Variants in DDX60 observed in about 807,000 individuals in gnomAD.
DDX60 encodes DExD/H-box helicase 60.
A neutral mutation model predicts 212.8 loss-of-function variants in DDX60; 165 were observed. That is an observed-to-expected ratio of 0.78 (90% CI 0.68 to 0.88). DDX60 has a LOEUF of 0.88. DDX60 is among the 40% of genes least tolerant of loss of function. The probability of loss-of-function intolerance (pLI) is 0.00; values close to 1 mark genes in which losing one functional copy is unlikely to be tolerated. For missense variants in DDX60, 1,905 were observed against 2,003.9 expected (o/e 0.95, Z 0.94); for synonymous variants, 703 against 685.3 (o/e 1.03, Z -0.40).
At chr4:168,238,858 G>A (rs934119235) in intron 30 of DDX60, among the ~76,000 whole-genome samples, 5 of 152,172 alleles carry the variant, frequency 3.3e-5, no homozygotes, top group East Asian at 3.9e-4. Flanking sequence ...AGTAGAACGC[G>A]ACCTTTCAGT....
At chr4:168,306,986 C>A (rs929043472) in intron 4 of DDX60, among the ~76,000 whole-genome samples, 6 of 152,168 alleles carry the variant, frequency 3.9e-5, no homozygotes, top group African/African-American at 1.4e-4. Flanking sequence ...TTTTCTAATT[C>A]TTTTCCTCTC....
intron 16 of DDX60, among the ~76,000 whole-genome samples, chr4:168,275,028 T>C (rs977854832): frequency 6.6e-6 from 1 of 152,174 alleles, no homozygotes; most frequent in Non-Finnish European, 1.5e-5. Context: ...TTTATATATT[T>C]ACATATGAAA....
At chr4:168,224,762 A>G (rs576907545) in intron 34 of DDX60, among the ~76,000 whole-genome samples, 19 of 152,142 alleles carry the variant, frequency 1.2e-4, no homozygotes, top group South Asian at 6.2e-4. Context: ...TGCAGCCTCA[A>G]TTAGTAAGTT....
Position 168,267,897 on chromosome 4 carries a change from T to C in DDX60, c.2873A>G (p.Gln958Arg). 1 of 1,613,658 alleles carries C rather than the reference T, an allele frequency of 6.2e-7. No homozygotes were observed. The highest frequency in any genetic ancestry group is 8.5e-7 in the Non-Finnish European group (1 of 1,179,712). Residue 958 changes from glutamine (Q) to arginine (R), a missense_variant, in exon 21 of 38, where the codon CAG (glutamine) becomes CGG (arginine). Physicochemically the swap from Gln to Arg is conservative, Grantham distance 43. Transcript: ENST00000393743. Reference sequence around the variant, plus strand: ...CAAGTAGTCTTTGGGAAAGCCGGCCTGACGACCCACATGTCTTTTAGAAGC... The same window carrying C: ...CAAGTAGTCTTTGGGAAAGCCGGCCCGACGACCCACATGTCTTTTAGAAGC... Reference protein sequence around the residue: ...NTASKRHVGRQAGFPKDYLQV... With the variant: ...NTASKRHVGRRAGFPKDYLQV...
Position 168,260,909 on chromosome 4 carries a change from A to C in DDX60, c.3354T>G (p.Val1118=). 1 of 1,609,406 alleles carries C rather than the reference A, an allele frequency of 6.2e-7. No individual in the cohort carries two copies. Among genetic ancestry groups the C allele is most frequent in the Non-Finnish European group, 8.5e-7 (1 of 1,176,904 alleles). The stretch of plus-strand genomic sequence containing the variant: ...ACTTCTCCATTTTCCTTAGTTTTTC[A>C]ACTAGAAGTGGAAACATGGTGATCA... ...ENMITMFPLL[V]EKLRKMEKLP... is the part of the protein sequence containing the mutation. Residue 1118 remains valine, a synonymous_variant, in exon 25 of 38, where the codon GTT becomes GTG. Coordinates refer to ENST00000393743, the MANE Select transcript of DDX60 (RefSeq NM_017631.6).
chr4:168,297,273 G>GAGAGAGAGAC (rs1736391543), intron 6 of DDX60, among the ~76,000 whole-genome samples: 3 of 124,758 alleles, frequency 2.4e-5, no homozygotes, highest in African/African-American at 1.1e-4. Context: ...GAAAGAAAAA[G>GAGAGAGAGAC]AAAGAAAGAA....
intron 18 of DDX60, among the ~76,000 whole-genome samples, chr4:168,272,537 G>T (rs1160648189): frequency 1.3e-5 from 2 of 152,240 alleles, no homozygotes; most frequent in African/African-American, 4.8e-5. Flanking sequence ...AGAGGGGGAA[G>T]CCTAACTGCA....
At chr4:168,230,270 T>C (rs1471537711) in intron 33 of DDX60, among the ~76,000 whole-genome samples, 2 of 152,020 alleles carry the variant, frequency 1.3e-5, no homozygotes, top group Admixed American at 1.3e-4. Flanking sequence ...ACAATAATAG[T>C]GGGGGACTTC....
intron 6 of DDX60, among the ~76,000 whole-genome samples, chr4:168,296,101 C>A (rs1005617030): frequency 6.6e-6 from 1 of 151,866 alleles, no homozygotes; most frequent in African/African-American, 2.4e-5. Context: ...TGACTACAAC[C>A]AATAATAATG....
intron 33 of DDX60, among the ~76,000 whole-genome samples, chr4:168,229,084 C>G (rs965070489): frequency 6.6e-6 from 1 of 152,038 alleles, no homozygotes; most frequent in Non-Finnish European, 1.5e-5. Context: ...ACACCATGAA[C>G]TTTTGCTCCA....
chr4:168,253,160 G>T (rs1734283426), intron 26 of DDX60, among the ~76,000 whole-genome samples: 1 of 152,134 alleles, frequency 6.6e-6, no homozygotes, highest in African/African-American at 2.4e-5. Context: ...TCAGCCTCTG[G>T]ATGTTATGAT....
At chr4:168,239,375 A>AAGAT (rs60160375) in intron 30 of DDX60, among the ~76,000 whole-genome samples, 38,855 of 148,656 alleles carry the variant, frequency 0.26, 5,056 homozygotes, top group African/African-American at 0.29. Context: ...TGATAGAAGG[A>AAGAT]AGATAGATAG....
At chr4:168,281,202 C>T (rs187285795) in intron 13 of DDX60, among the ~76,000 whole-genome samples, 51 of 152,120 alleles carry the variant, frequency 3.4e-4, no homozygotes, top group African/African-American at 1.1e-3. Context: ...GACTGCCTCT[C>T]TTTTCATTTC....
At chr4:168,237,167 T>A (rs1251267903) in intron 32 of DDX60, 119 bp downstream of exon 32, 3 of 648,320 alleles carry the variant, frequency 4.6e-6, no homozygotes, top group Admixed American at 8.5e-5. Flanking sequence ...ATCTATAAAT[T>A]ATCTACATAT....
rs1277723571 is a variant in DDX60 at position 168,284,833 on chromosome 4, C to T, written c.1548G>A (p.Arg516=). ...KPLSDDYDRS[R]CQFDEKSRDP... Reference sequence around the variant, plus strand: ...CACAGAGCTTACCATCAAACTGACACCTGGACCTGTCATAATCATCACTCA... The same window carrying T: ...CACAGAGCTTACCATCAAACTGACATCTGGACCTGTCATAATCATCACTCA... Residue 516 remains arginine, a synonymous_variant, in exon 12 of 38, where the codon AGG becomes AGA. Transcript: ENST00000393743. 1 of 1,542,680 alleles carries T rather than the reference C, an allele frequency of 6.5e-7. No homozygotes were observed. Among genetic ancestry groups the T allele is most frequent in the South Asian group, 1.3e-5 (1 of 79,352 alleles).
intron 33 of DDX60, among the ~76,000 whole-genome samples, chr4:168,230,150 T>C (rs2149493220): frequency 6.6e-6 from 1 of 152,234 alleles, no homozygotes; most frequent in Middle Eastern, 3.4e-3. Flanking sequence ...ATAAAAGGAC[T>C]ACTCCAACAG....
chr4:168,285,028 T>C lies in DDX60; in HGVS notation c.1446-93A>G, dbSNP rs1040908946. On this transcript the variant is annotated intron_variant, in intron 11 of 37. Coordinates refer to ENST00000393743, the MANE Select transcript of DDX60 (RefSeq NM_017631.6). ...TTATAATGTTTTTGAAAATCATAGTTCCCCTTCTTCTTTCTGCAATATGAT... is the reference window on the plus strand; with the variant it reads ...TTATAATGTTTTTGAAAATCATAGTCCCCCTTCTTCTTTCTGCAATATGAT... 6 of 638,874 alleles carry C rather than the reference T, an allele frequency of 9.4e-6. No homozygotes were observed. In the African/African-American group the frequency reaches 1.1e-4, roughly 12 times the overall value. The allele number at this position is 638,874 out of a possible 1,614,324, so 39.6% of individuals were successfully genotyped here. A position where few individuals can be genotyped will look rare whatever the true frequency, so the allele number is the denominator to read the frequency against.
At chr4:168,275,568 A>G (rs943046719) in intron 15 of DDX60, 65 bp from the exon 16 acceptor site, 8 of 1,365,924 alleles carry the variant, frequency 5.9e-6, no homozygotes, top group African/African-American at 2.9e-5. Context: ...AAATAAGTAA[A>G]ACATTTATTA....
rs59212617 is a variant in DDX60, at chr4:168,231,063, C to T, written c.4533+5189G>A. Reference sequence around the variant, plus strand: ...GTACGAAAAAAAAAATTATTCAAGGCTACTATGAACACCTTTACGCACACA... The same window carrying T: ...GTACGAAAAAAAAAATTATTCAAGGTTACTATGAACACCTTTACGCACACA... On this transcript the variant is annotated intron_variant, in intron 33 of 37. Coordinates refer to ENST00000393743, the MANE Select transcript of DDX60 (RefSeq NM_017631.6). Among the ~76,000 whole-genome samples, 990 of 151,812 alleles carry T rather than the reference C, an allele frequency of 6.5e-3. 11 individuals carry two copies. The highest frequency in any genetic ancestry group is 0.023 in the African/African-American group (937 of 41,474).
Sources: allele counts gnomAD v4.1 joint callset (sites outside exome capture counted in the v4.1 genomes callset), GRCh38; gene constraint gnomAD v4.1.1; transcripts MANE v1.5; gene names NCBI Gene and HGNC (gene_info 2026-07-23, HGNC 2026-07-21).